Variants in TMEM38B observed in about 807,000 individuals in gnomAD.
The protein encoded by TMEM38B is transmembrane protein 38B.
In TMEM38B, 24 loss-of-function variants were observed where a neutral mutation model predicts 28.7. That is an observed-to-expected ratio of 0.84 (90% confidence interval 0.61 to 1.18). The LOEUF (loss-of-function observed/expected upper bound fraction) is 1.18, where lower values mean the gene tolerates loss of function less well. TMEM38B is among the 50% of genes most tolerant of loss of function. The pLI is 0.00. For synonymous variants in TMEM38B, 131 were observed against 127.7 expected, an observed-to-expected ratio of 1.03 and a Z score of -0.17; for missense variants, 380 against 350.9, an observed-to-expected ratio of 1.08 and a Z score of -0.66.
At chr9:105,718,371 T>C (rs1290806539) in intron 2 of TMEM38B, among the ~76,000 whole-genome samples, 1 of 152,006 alleles carries the variant, frequency 6.6e-6, no homozygotes, top group Non-Finnish European at 1.5e-5. Context: ...CCCAAGTAGC[T>C]GGGATTATAG....
chr9:105,752,464 G>A (rs1237762092), intron 5 of TMEM38B, among the ~76,000 whole-genome samples: 1 of 152,178 alleles, frequency 6.6e-6, no homozygotes, highest in East Asian at 1.9e-4. Context: ...AGCTTCCAGA[G>A]GAAGGAGCTG....
At chr9:105,699,771 T>C (rs558606955) in intron 1 of TMEM38B, among the ~76,000 whole-genome samples, 95 of 152,292 alleles carry the variant, frequency 6.2e-4, no homozygotes, top group African/African-American at 2.0e-3. Flanking sequence ...AACAAACATG[T>C]GAATCCTCCT....
intron 3 of TMEM38B, among the ~76,000 whole-genome samples, chr9:105,722,134 C>T (rs1836340970): frequency 6.6e-6 from 1 of 152,034 alleles, no homozygotes; most frequent in Non-Finnish European, 1.5e-5. Flanking sequence ...ACTATGGGTT[C>T]ATGATCATTG....
At chr9:105,744,391 C>T (rs530963144) in intron 4 of TMEM38B, among the ~76,000 whole-genome samples, 5 of 151,850 alleles carry the variant, frequency 3.3e-5, no homozygotes, top group South Asian at 2.1e-4. Flanking sequence ...TAACTTAGAA[C>T]GTGTTATTTT....
At chr9:105,730,733 C>CG (rs1836710454) in intron 4 of TMEM38B, among the ~76,000 whole-genome samples, 1 of 152,168 alleles carries the variant, frequency 6.6e-6, no homozygotes, top group Non-Finnish European at 1.5e-5. Context: ...ATTATTGCCT[C>CG]AATTTCAGAG....
chr9:105,703,167 A>G (rs1835516614), intron 1 of TMEM38B, among the ~76,000 whole-genome samples: 1 of 152,196 alleles, frequency 6.6e-6, no homozygotes, highest in Non-Finnish European at 1.5e-5. Flanking sequence ...TCTCTTCTAA[A>G]TGCCAGTACA....
At chr9:105,706,281 AT>A (rs769081716) in intron 2 of TMEM38B, among the ~76,000 whole-genome samples, 1 of 152,102 alleles carries the variant, frequency 6.6e-6, no homozygotes, top group African/African-American at 2.4e-5. Context: ...ATTGTCTGCC[AT>A]TGTCTTATGT....
intron 2 of TMEM38B, among the ~76,000 whole-genome samples, chr9:105,720,691 GAT>G (rs1454353182): frequency 6.6e-6 from 1 of 152,040 alleles, no homozygotes; most frequent in Non-Finnish European, 1.5e-5. Flanking sequence ...TTTTAAAAGA[GAT>G]ATGATATTCT....
At chr9:105,723,993 G>T (rs1225264162) in intron 4 of TMEM38B, among the ~76,000 whole-genome samples, 15 of 152,034 alleles carry the variant, frequency 9.9e-5, no homozygotes, top group Admixed American at 7.9e-4. Flanking sequence ...GTGCCACCAT[G>T]CCCAGCTAAT....
At chr9:105,740,558 G>T (rs750526711) in intron 4 of TMEM38B, among the ~76,000 whole-genome samples, 1 of 152,100 alleles carries the variant, frequency 6.6e-6, no homozygotes, top group Non-Finnish European at 1.5e-5. Context: ...GAGCCACCAC[G>T]CCCGGCCCCT....
intron 5 of TMEM38B, among the ~76,000 whole-genome samples, chr9:105,772,103 T>G (rs940314023): frequency 6.6e-6 from 1 of 152,238 alleles, no homozygotes; most frequent in African/African-American, 2.4e-5. Context: ...CTGGGCAGTT[T>G]CACCTTGTCT....
At chr9:105,706,119 G>C (rs1835653462) in intron 2 of TMEM38B, among the ~76,000 whole-genome samples, 1 of 152,086 alleles carries the variant, frequency 6.6e-6, no homozygotes. Context: ...GGCTGGTCTT[G>C]AACTCCTGAC....
intron 5 of TMEM38B, chr9:105,760,855 T>C (rs1301195450): frequency 4.9e-6 from 3 of 608,498 alleles, no homozygotes; most frequent in Non-Finnish European, 8.4e-6. Flanking sequence ...ATAAGGTATT[T>C]CTAAATAAGC....
intron 2 of TMEM38B, among the ~76,000 whole-genome samples, chr9:105,713,094 T>C (rs1377091569): frequency 6.6e-6 from 1 of 152,206 alleles, no homozygotes; most frequent in East Asian, 1.9e-4. Context: ...TTGGTGGGGC[T>C]GGAGCTCCCC....
chr9:105,710,988 C>A (rs184943942), intron 2 of TMEM38B, among the ~76,000 whole-genome samples: 82 of 152,234 alleles, frequency 5.4e-4, no homozygotes, highest in Admixed American at 1.0e-3. Context: ...GATCACCAGG[C>A]AGCTGGTGAT....
chr9:105,728,796 T>A (rs1023306723), intron 4 of TMEM38B, among the ~76,000 whole-genome samples: 1 of 152,160 alleles, frequency 6.6e-6, no homozygotes, highest in Non-Finnish European at 1.5e-5. Flanking sequence ...TGGTATCTCA[T>A]TGTGGTTTTG....
chr9:105,758,729 T>G (rs1837924503), intron 5 of TMEM38B: 1 of 731,804 alleles, frequency 1.4e-6, no homozygotes, highest in African/African-American at 1.8e-5. Context: ...AAGATAAAGA[T>G]AGTATTTTTA....
chr9:105,760,263 C>A (rs1333902749), intron 5 of TMEM38B: 4 of 797,860 alleles, frequency 5.0e-6, no homozygotes, highest in Non-Finnish European at 9.0e-6. Flanking sequence ...TGATACATAC[C>A]TTTTCTCGAT....
intron 2 of TMEM38B, among the ~76,000 whole-genome samples, chr9:105,713,507 C>T (rs1364351032): frequency 6.6e-6 from 1 of 152,204 alleles, no homozygotes; most frequent in Non-Finnish European, 1.5e-5. Flanking sequence ...CCCCCTGCCA[C>T]CTTGGCCCCC....
Sources: allele counts gnomAD v4.1 joint callset (sites outside exome capture counted in the v4.1 genomes callset), GRCh38; gene constraint gnomAD v4.1.1; transcripts MANE v1.5; gene names NCBI Gene and HGNC (gene_info 2026-07-23, HGNC 2026-07-21).